The following UBE2Q2 variants were observed in gnomAD, a reference collection of about 807,000 sequenced individuals.
UBE2Q2 encodes ubiquitin-conjugating enzyme E2 Q2.
A neutral mutation model predicts 59.9 loss-of-function variants in UBE2Q2; 54 were observed. That is an observed-to-expected ratio of 0.90 (90% CI 0.72 to 1.13). UBE2Q2 has a LOEUF of 1.13. Ranked by LOEUF, UBE2Q2 falls within the 50% of genes most tolerant of loss-of-function variation. The probability of loss-of-function intolerance (pLI) is 0.00; values close to 1 mark genes in which losing one functional copy is unlikely to be tolerated. For synonymous variants in UBE2Q2, 165 were observed against 155.2 expected (o/e 1.06, Z -0.47); for missense variants, 433 against 441.9 (o/e 0.98, Z 0.18).
intron 1 of UBE2Q2, chr15:75,844,516 T>G (rs1371463891): frequency 9.7e-6 from 15 of 1,548,756 alleles, no homozygotes; most frequent in Non-Finnish European, 1.2e-5. Flanking sequence ...GTGTGGCCCC[T>G]CCCTTGTGTG....
chr15:75,872,064 G>T (rs1028915340), intron 4 of UBE2Q2, among the ~76,000 whole-genome samples: 1 of 152,080 alleles, frequency 6.6e-6, no homozygotes, highest in Non-Finnish European at 1.5e-5. Context: ...GGAGAAGGGA[G>T]CTCAATGAAG....
chr15:75,845,686 G>C (rs959053922), intron 1 of UBE2Q2, among the ~76,000 whole-genome samples: 1 of 152,220 alleles, frequency 6.6e-6, no homozygotes, highest in African/African-American at 2.4e-5. Flanking sequence ...TCTTATTGCT[G>C]TGCCGGCATT....
At chr15:75,862,767 A>G (rs1897263452) in intron 3 of UBE2Q2, among the ~76,000 whole-genome samples, 1 of 140,142 alleles carries the variant, frequency 7.1e-6, no homozygotes, top group Non-Finnish European at 1.5e-5. Context: ...GTGGGCTGTG[A>G]TCATGCCAGT....
intron 4 of UBE2Q2, among the ~76,000 whole-genome samples, chr15:75,870,737 T>C (rs1897741392): frequency 6.6e-6 from 1 of 152,146 alleles, no homozygotes; most frequent in Non-Finnish European, 1.5e-5. Flanking sequence ...ATTGGATACT[T>C]TTCTTTTGAG....
chr15:75,843,971 C>A, intron 1 of UBE2Q2, 125 bp downstream of exon 1: 2 of 1,405,032 alleles, frequency 1.4e-6, no homozygotes, highest in Non-Finnish European at 1.8e-6. Context: ...AGGCCCGCCC[C>A]TTTCCCCCGC....
intron 5 of UBE2Q2, 90 bp from the exon 6 acceptor site, chr15:75,876,097 T>A: frequency 8.8e-7 from 1 of 1,140,662 alleles, no homozygotes; most frequent in Non-Finnish European, 1.3e-6. Context: ...TGAGTGGTGA[T>A]CCATTTTTGC....
chr15:75,850,605 G>A (rs1896585962), intron 1 of UBE2Q2, among the ~76,000 whole-genome samples: 1 of 152,322 alleles, frequency 6.6e-6, no homozygotes, highest in African/African-American at 2.4e-5. Context: ...TGTCAAGAGA[G>A]GGAGGAGGAA....
intron 8 of UBE2Q2, among the ~76,000 whole-genome samples, chr15:75,881,163 G>A (rs1427350700): frequency 6.6e-6 from 1 of 152,010 alleles, no homozygotes; most frequent in Non-Finnish European, 1.5e-5. Context: ...ACACAAAAAA[G>A]GAAGGTATCT....
At chr15:75,850,420 G>C (rs1896573542) in intron 1 of UBE2Q2, among the ~76,000 whole-genome samples, 1 of 152,112 alleles carries the variant, frequency 6.6e-6, no homozygotes, top group African/African-American at 2.4e-5. Context: ...CTCCTTACGT[G>C]TAGGCAAGAT....
At chr15:75,849,997 A>G (rs1311736840) in intron 1 of UBE2Q2, among the ~76,000 whole-genome samples, 2 of 152,236 alleles carry the variant, frequency 1.3e-5, no homozygotes, top group African/African-American at 2.4e-5. Flanking sequence ...AACCTTATCA[A>G]AATTACAAAA....
intron 4 of UBE2Q2, among the ~76,000 whole-genome samples, chr15:75,869,348 G>A (rs1156893067): frequency 6.6e-6 from 1 of 152,136 alleles, no homozygotes; most frequent in Non-Finnish European, 1.5e-5. Flanking sequence ...TTTTATGTTT[G>A]CATAAAAGGA....
chr15:75,854,181 ATGAGCTG>A, intron 1 of UBE2Q2, among the ~76,000 whole-genome samples, 198 bp from the exon 2 acceptor site: 1 of 152,298 alleles, frequency 6.6e-6, no homozygotes, highest in East Asian at 1.9e-4. Context: ...ATTGACTTCT[ATGAGCTG>A]TAGCAACAGA....
At chr15:75,874,689 G>A (rs1259533487) in intron 5 of UBE2Q2, among the ~76,000 whole-genome samples, 1 of 152,152 alleles carries the variant, frequency 6.6e-6, no homozygotes, top group Non-Finnish European at 1.5e-5. Context: ...TCTAAAATAT[G>A]GCTAGACAGT....
chr15:75,884,890 C>T (rs2141652992), intron 9 of UBE2Q2, among the ~76,000 whole-genome samples: 1 of 152,264 alleles, frequency 6.6e-6, no homozygotes, highest in South Asian at 2.1e-4. Context: ...CTGAAGCCAT[C>T]TTACCCGCCT....
intron 12 of UBE2Q2, 22 bp from the exon 13 acceptor site, chr15:75,899,402 CTTT>C: frequency 1.6e-6 from 2 of 1,226,818 alleles, no homozygotes; most frequent in African/African-American, 1.6e-5. Flanking sequence ...ATTATTTTAA[CTTT>C]TTTTTTTTCA....
chr15:75,848,369 TA>T (rs2141531785), intron 1 of UBE2Q2, among the ~76,000 whole-genome samples: 1 of 152,344 alleles, frequency 6.6e-6, no homozygotes, highest in South Asian at 2.1e-4. Flanking sequence ...CTAAGGAGCC[TA>T]AGACTTTTCT....
At chr15:75,854,350 A>G (rs1469203557) in intron 1 of UBE2Q2, 36 bp from the exon 2 acceptor site, 9 of 1,539,728 alleles carry the variant, frequency 5.8e-6, no homozygotes, top group Non-Finnish European at 7.1e-6. Flanking sequence ...GTTAGTCTGT[A>G]TGTAAATGTT....
chr15:75,865,733 CTTA>C (rs1184220244), intron 3 of UBE2Q2, among the ~76,000 whole-genome samples: 5 of 151,666 alleles, frequency 3.3e-5, no homozygotes, highest in African/African-American at 1.2e-4. Context: ...GTCTTTGCTT[CTTA>C]TTGCTGCTCC....
intron 9 of UBE2Q2, among the ~76,000 whole-genome samples, chr15:75,885,571 G>C (rs956128020): frequency 6.6e-6 from 1 of 152,166 alleles, no homozygotes; most frequent in African/African-American, 2.4e-5. Flanking sequence ...CATCTCAGAG[G>C]ACGGTGTCCT....
Sources: gnomAD v4.1 joint callset for allele counts (sites outside exome capture counted in the v4.1 genomes callset) on GRCh38, gnomAD v4.1.1 for gene constraint, MANE v1.5 for transcripts, NCBI Gene and HGNC (gene_info 2026-07-23, HGNC 2026-07-21) for gene names.